The following BTNL9 variants were observed in gnomAD, a reference collection of about 807,000 sequenced individuals.
BTNL9 encodes the protein butyrophilin like 9.
Under a neutral mutation model 45.8 loss-of-function variants are expected in BTNL9, and 45 were observed. That is an observed-to-expected ratio of 0.98 (90% confidence interval 0.77 to 1.26). The LOEUF (loss-of-function observed/expected upper bound fraction) is 1.26, where lower values mean the gene tolerates loss of function less well. Ranked by LOEUF, BTNL9 falls within the 50% of genes most tolerant of loss-of-function variation. The pLI is 0.00. For synonymous variants in BTNL9, 346 were observed against 330.8 expected, an observed-to-expected ratio of 1.05 and a Z score of -0.50; for missense variants, 784 against 729.7, an observed-to-expected ratio of 1.07 and a Z score of -0.86.
chr5:181,056,732 GA>G, intron 9 of BTNL9: 2 of 633,320 alleles, frequency 3.2e-6, no homozygotes, highest in Non-Finnish European at 5.8e-6. Context: ...GGGATCCCAG[GA>G]AGGCAGTGTC....
At chr5:181,058,049 C>T (rs773110292) in intron 9 of BTNL9, among the ~76,000 whole-genome samples, 4 of 152,200 alleles carry the variant, frequency 2.6e-5, no homozygotes, top group Non-Finnish European at 4.4e-5. Flanking sequence ...TTCTGTCTCT[C>T]AGGGCATCCA....
rs1399289272 is a variant in BTNL9, at chr5:181,051,078, C to CAAAAAAAAA, written c.736+711_736+719dup. On this transcript the variant is annotated intron_variant, in intron 4 of 10. Coordinates refer to ENST00000327705, the MANE Select transcript of BTNL9 (RefSeq NM_152547.5). ...TGGGCAACAGAGCGAGAATCCGTCT[C>CAAAAAAAAA]AAAAAAAAAACAAAAAAAAAAAAAA... Among the ~76,000 whole-genome samples the CAAAAAAAAA allele has an allele frequency of 2.2e-4, 10 of 44,708 alleles. 1 individual carries two copies. Among genetic ancestry groups the CAAAAAAAAA allele is most frequent in the African/African-American group, 8.5e-4 (10 of 11,754 alleles). The allele number at this position is 44,708 out of a possible 152,430, so 29.3% of individuals were successfully genotyped here. A position where few individuals can be genotyped will look rare whatever the true frequency, so the allele number is the denominator to read the frequency against.
In BTNL9 at chr5:181,053,614, G is replaced by A. The variant is rs1761706592; in HGVS notation, c.886+113G>A. 1 of 1,546,604 alleles carries A rather than the reference G, an allele frequency of 6.5e-7. No homozygotes were observed. The highest frequency in any genetic ancestry group is 2.0e-5 in the Admixed American group (1 of 50,774). ...TTATTCCAGCGCGAGGTGTCAGGGC[G>A]GCCACCGGGGAACGGGGATCGGTGA... On this transcript the variant is annotated intron_variant, in intron 6 of 10. Transcript: ENST00000327705. This position sits in a 1 kb window ranked among gnomAD's most constrained non-coding sequence, Gnocchi z 6.5.
intron 4 of BTNL9, among the ~76,000 whole-genome samples, chr5:181,051,723 A>G (rs1248169533): frequency 2.0e-5 from 3 of 150,780 alleles, no homozygotes; most frequent in Non-Finnish European, 4.4e-5. Context: ...TATATTTTCT[A>G]AGGAAAATGA....
In BTNL9 at chr5:181,050,464, C is replaced by T; in HGVS notation, c.736+95C>T. The T allele has an allele frequency of 7.0e-7, 1 of 1,419,618 alleles. No homozygotes were observed. The highest frequency in any genetic ancestry group is 9.7e-7 in the Non-Finnish European group (1 of 1,030,492). The allele number at this position is 1,419,618 out of a possible 1,614,324, so 87.9% of individuals were successfully genotyped here. On this transcript the variant is annotated intron_variant, in intron 4 of 10. Transcript: ENST00000327705. This position sits in a 1 kb window ranked among gnomAD's most constrained non-coding sequence, Gnocchi z 4.9. ...TCTATAAAGACACAATGGTACTGCGCCTGTCTGCATATAGGGTGTGTTGGC... is the reference window on the plus strand; with the variant it reads ...TCTATAAAGACACAATGGTACTGCGTCTGTCTGCATATAGGGTGTGTTGGC...
At chr5:181,048,757 A>C (rs1761339507) in intron 3 of BTNL9, among the ~76,000 whole-genome samples, 6 of 141,206 alleles carry the variant, frequency 4.2e-5, no homozygotes, top group Non-Finnish European at 9.0e-5. Context: ...ATATATAGAT[A>C]TAGATATATA....
At position 181,053,695 on chromosome 5, in the gene BTNL9, G is replaced by A; in HGVS notation, c.886+194G>A. ...ATGGACAAAAGCGGAGGTGCGGAAC[G>A]GCTGCATTTTCCACGGAGGCTAGTG... On this transcript the variant is annotated intron_variant, in intron 6 of 10. Coordinates refer to ENST00000327705, the MANE Select transcript of BTNL9 (RefSeq NM_152547.5). This position sits in a 1 kb window ranked among gnomAD's most constrained non-coding sequence, Gnocchi z 6.5. 2 of 1,512,988 alleles carry A rather than the reference G, an allele frequency of 1.3e-6. No homozygotes were observed. The highest frequency in any genetic ancestry group is 4.2e-5 in the Admixed American group (2 of 47,532). 93.7% of individuals were successfully genotyped at this position (1,512,988 alleles called of 1,614,324 possible). A position where few individuals can be genotyped will look rare whatever the true frequency, so the allele number is the denominator to read the frequency against.
At chr5:181,058,731 G>T (rs2113261971) in intron 10 of BTNL9, among the ~76,000 whole-genome samples, 1 of 151,978 alleles carries the variant, frequency 6.6e-6, no homozygotes, top group Admixed American at 6.5e-5. Flanking sequence ...ATGGCATGGG[G>T]TGTTGAAATG....
rs1375131196 is a variant in BTNL9, at chr5:181,060,605, G to T, written c.*743G>T. 1 of 152,174 alleles carries T rather than the reference G, an allele frequency of 6.6e-6. No individual in the cohort carries two copies. The allele number at this position is 152,174 out of a possible 1,614,324, so 9.4% of individuals were successfully genotyped here. A position where few individuals can be genotyped will look rare whatever the true frequency, so the allele number is the denominator to read the frequency against. On this transcript the variant is annotated 3_prime_UTR_variant, in exon 11 of 11. Coordinates refer to ENST00000327705, the MANE Select transcript of BTNL9 (RefSeq NM_152547.5). ...GATACTCAAATTTCTTTTTAAAAAG[G>T]AGAAACAGGAAGGTTTCTTTTGGAG...
At chr5:181,045,715 A>C in intron 2 of BTNL9, 117 bp downstream of exon 2, 1 of 786,566 alleles carries the variant, frequency 1.3e-6, no homozygotes, top group South Asian at 1.5e-5. Context: ...AAATACAAAA[A>C]AGACTTCCAT....
At chr5:181,047,503 T>C in intron 2 of BTNL9, 1 of 992,580 alleles carries the variant, frequency 1.0e-6, no homozygotes, top group Non-Finnish European at 1.2e-6. Context: ...AGCAATTTGA[T>C]GTCTCCTTTC....
Position 181,059,788 on chromosome 5 carries a change from G to A in BTNL9, c.1534G>A (p.Val512Ile). 1 of 1,605,692 alleles carries A rather than the reference G, an allele frequency of 6.2e-7. No individual in the cohort carries two copies. Among genetic ancestry groups the A allele is most frequent in the Non-Finnish European group, 8.5e-7 (1 of 1,178,996 alleles). ...ICPLPVRGTGVPEENDSDTWL... is the reference protein window; with the variant it reads ...ICPLPVRGTGIPEENDSDTWL... ...CCCGCTGCCGGTTAGAGGGACGGGCGTCCCCGAAGAGAACGACAGTGACAC... is the reference window on the plus strand; with the variant it reads ...CCCGCTGCCGGTTAGAGGGACGGGCATCCCCGAAGAGAACGACAGTGACAC... The change falls in exon 11 of 11, where the codon GTC becomes ATC. Residue 512 changes from valine (V) to isoleucine (I), a missense_variant. Coordinates refer to ENST00000327705, the MANE Select transcript of BTNL9 (RefSeq NM_152547.5).
At chr5:181,044,360 G>T (rs1017369066) in intron 1 of BTNL9, among the ~76,000 whole-genome samples, 1 of 152,180 alleles carries the variant, frequency 6.6e-6, no homozygotes, top group Non-Finnish European at 1.5e-5. Context: ...AGCCGTGGGG[G>T]CCGACGGGGA....
At position 181,042,737 on chromosome 5, in the gene BTNL9, G is replaced by A. The variant is rs34381124; in HGVS notation, c.-24+2305G>A. Among the ~76,000 whole-genome samples, 8 of 152,162 alleles carry A rather than the reference G, an allele frequency of 5.3e-5. No homozygotes were observed. Among genetic ancestry groups the A allele is most frequent in the Non-Finnish European group, 1.2e-4 (8 of 68,034 alleles). ...GCTTTAAGTTGTTTTATCTGGCAGC[G>A]GGATTTTAAATTTTGTATTCATTAG... On this transcript the variant is annotated intron_variant, in intron 1 of 10. Coordinates refer to ENST00000327705, the MANE Select transcript of BTNL9 (RefSeq NM_152547.5). The surrounding 1 kb of genome is among the most constrained non-coding windows in gnomAD (Gnocchi z 4.5).
intron 10 of BTNL9, 40 bp from the exon 11 acceptor site, chr5:181,059,197 G>C: frequency 6.8e-7 from 1 of 1,477,752 alleles, no homozygotes; most frequent in South Asian, 1.3e-5. Context: ...ACGGGGCCCA[G>C]ACCGTCCCGG....
rs757230564 is a variant in BTNL9 at position 181,055,023 on chromosome 5, T to C, written c.908-410T>C. 58 of 985,354 alleles carry C rather than the reference T, an allele frequency of 5.9e-5. No individual in the cohort carries two copies. The highest frequency in any genetic ancestry group is 6.5e-5 in the Non-Finnish European group (54 of 829,950). The allele number at this position is 985,354 out of a possible 1,614,324, so 61.0% of individuals were successfully genotyped here. On this transcript the variant is annotated intron_variant, in intron 7 of 10. Coordinates refer to ENST00000327705, the MANE Select transcript of BTNL9 (RefSeq NM_152547.5). The surrounding 1 kb of genome is among the most constrained non-coding windows in gnomAD (Gnocchi z 4.4). ...TTTGGGGAAATAATTGGGTGTGATG[T>C]CCTTCCAGTCCTTCAGATAACGCAC... is the stretch of plus-strand genomic sequence containing the variant.
At position 181,059,859 on chromosome 5, in the gene BTNL9, G is replaced by A. The variant is rs1390301139; in HGVS notation, c.1605G>A (p.Trp535Ter). 6.4e-7 allele frequency: 1 copy of A among 1,557,318 alleles called. No individual in the cohort carries two copies. Among genetic ancestry groups the A allele is most frequent in the East Asian group, 2.3e-5 (1 of 42,924 alleles). ...YEPADPALDW[W>*] Reference sequence around the variant, plus strand: ...CCGCGGACCCCGCCCTGGACTGGTGGTGAGGCGCCCTCGTGGCCGCGGGAC... The same window carrying A: ...CCGCGGACCCCGCCCTGGACTGGTGATGAGGCGCCCTCGTGGCCGCGGGAC... Residue 535 changes from tryptophan (W) to a stop codon, truncating the protein, a stop_gained, in exon 11 of 11, where the codon TGG (tryptophan) becomes TGA (stop). Coordinates refer to ENST00000327705, the MANE Select transcript of BTNL9 (RefSeq NM_152547.5). LOFTEE classifies it high-confidence loss of function.
chr5:181,052,428 A>C (rs963416531), intron 4 of BTNL9, among the ~76,000 whole-genome samples: 2 of 152,226 alleles, frequency 1.3e-5, no homozygotes, highest in African/African-American at 4.8e-5. Context: ...TGGTGAATGC[A>C]CTTAATGCCC....
intron 9 of BTNL9, chr5:181,056,724 G>A: frequency 1.6e-6 from 1 of 644,858 alleles, no homozygotes. Flanking sequence ...GGGATAGTGG[G>A]ATCCCAGGAA....
Sources: gnomAD v4.1 joint callset for allele counts (sites outside exome capture counted in the v4.1 genomes callset) on GRCh38, gnomAD v4.1.1 for gene constraint, Gnocchi (gnomAD v3.1) non-coding constraint, MANE v1.5 for transcripts, NCBI Gene and HGNC (gene_info 2026-07-23, HGNC 2026-07-21) for gene names.